SYT1: variants seen among roughly 807,000 people sequenced by gnomAD.
SYT1 encodes synaptotagmin 1.
SYT1 carries 8 observed loss-of-function variants against 44.8 expected under a neutral mutation model. The ratio of observed to expected loss-of-function variants is 0.18; its 90% CI spans 0.10 to 0.32. The LOEUF (loss-of-function observed/expected upper bound fraction) is 0.32. Among genes scored for constraint, SYT1 ranks in the 10% least tolerant of loss-of-function variants. SYT1 has a pLI of 1.00. For synonymous variants in SYT1, 154 were observed against 188.8 expected (o/e 0.82, Z 1.51); for missense variants, 286 against 509.3 (o/e 0.56, Z 4.22).
intron 8 of SYT1, among the ~76,000 whole-genome samples, chr12:79,316,194 G>A (rs944475806): frequency 2.0e-5 from 3 of 152,076 alleles, no homozygotes; most frequent in African/African-American, 7.2e-5. Context: ...AGCTCCTAGA[G>A]GTAACTTCTG....
At chr12:79,264,050 AAAG>A (rs1489551314) in intron 4 of SYT1, among the ~76,000 whole-genome samples, 6 of 152,224 alleles carry the variant, frequency 3.9e-5, no homozygotes, top group African/African-American at 1.4e-4. Context: ...TTGACAGTTC[AAAG>A]AAGTAAGCTT....
In SYT1 at chr12:79,268,404, AGAT is replaced by A. The variant is rs1481923547; in HGVS notation, c.167-17379_167-17377del. ...TCATTAACCCTTTAATTTGGAATTA[AGAT>A]GATATGTGGTATTTTTCACAGTATT... On this transcript the variant is annotated intron_variant, in intron 4 of 10. Coordinates refer to ENST00000261205, the MANE Select transcript of SYT1 (RefSeq NM_005639.3). 6.6e-5 allele frequency among the ~76,000 whole-genome samples: 10 copies of A among 152,332 alleles called. No homozygotes were observed. In the East Asian group the frequency reaches 1.2e-3, roughly 18 times the overall value.
intron 10 of SYT1, among the ~76,000 whole-genome samples, chr12:79,446,002 T>TAC (rs1870694223): frequency 8.6e-6 from 1 of 115,908 alleles, no homozygotes; most frequent in African/African-American, 3.3e-5. Context: ...TATATATATA[T>TAC]ATATATATAT....
At chr12:78,889,594 G>A (rs572572288) in intron 1 of SYT1, among the ~76,000 whole-genome samples, 2 of 150,976 alleles carry the variant, frequency 1.3e-5, no homozygotes, top group East Asian at 4.0e-4. Context: ...TGTGAGCAAA[G>A]CCTTGGAATT....
chr12:79,281,532 A>G (rs958066405), intron 4 of SYT1, among the ~76,000 whole-genome samples: 4 of 152,116 alleles, frequency 2.6e-5, no homozygotes, highest in Non-Finnish European at 5.9e-5. Context: ...GAGACTCAAA[A>G]GTGGGAAGGG....
chr12:79,238,276 G>A (rs893870181), intron 4 of SYT1, among the ~76,000 whole-genome samples: 2 of 152,088 alleles, frequency 1.3e-5, no homozygotes, highest in African/African-American at 4.8e-5. Context: ...TCCTTTGTGG[G>A]CTTTAAGGAA....
chr12:79,052,814 C>T (rs1874615362), intron 3 of SYT1, among the ~76,000 whole-genome samples: 1 of 152,116 alleles, frequency 6.6e-6, no homozygotes, highest in Non-Finnish European at 1.5e-5. Context: ...GAGATACCAT[C>T]TCACACCAGT....
chr12:79,366,987 G>A (rs1245774), intron 9 of SYT1, among the ~76,000 whole-genome samples: 50,381 of 148,718 alleles, frequency 0.34, 11,082 homozygotes, highest in African/African-American at 0.63. Flanking sequence ...GCAGTTAACT[G>A]CTTTGGCTAA....
At chr12:79,292,329 A>T (rs538848526) in intron 6 of SYT1, among the ~76,000 whole-genome samples, 199 bp downstream of exon 6, 1 of 152,190 alleles carries the variant, frequency 6.6e-6, no homozygotes, top group Non-Finnish European at 1.5e-5. Context: ...AATTCACAGT[A>T]TTCAACCGAT....
At chr12:79,016,384 T>G (rs1326639048) in intron 2 of SYT1, among the ~76,000 whole-genome samples, 1 of 152,164 alleles carries the variant, frequency 6.6e-6, no homozygotes, top group Non-Finnish European at 1.5e-5. Flanking sequence ...AGTCACATGG[T>G]TCCTGTTTAA....
In SYT1 at chr12:79,161,419, GCCATA is replaced by G. The variant is rs1374255239; in HGVS notation, c.-17-56079_-17-56075del. 2.0e-5 allele frequency among the ~76,000 whole-genome samples: 3 copies of G among 152,158 alleles called. No individual in the cohort carries two copies. The East Asian group carries it at 5.8e-4, about 30-fold the overall frequency. On this transcript the variant is annotated intron_variant, in intron 3 of 10. Transcript: ENST00000261205. The stretch of plus-strand genomic sequence containing the variant: ...ACCATATAACCTAGCAGTGTAAAAG[GCCATA>G]CCATCTAGATTTGTGTAAGTACACT...
intron 3 of SYT1, among the ~76,000 whole-genome samples, chr12:79,149,399 T>C (rs1870123791): frequency 6.6e-6 from 1 of 152,120 alleles, no homozygotes; most frequent in Non-Finnish European, 1.5e-5. Context: ...GGTAAAGTAG[T>C]TTCTAGGATT....
intron 4 of SYT1, among the ~76,000 whole-genome samples, chr12:79,267,820 A>T (rs1878214197): frequency 6.6e-6 from 1 of 152,154 alleles, no homozygotes; most frequent in Non-Finnish European, 1.5e-5. Flanking sequence ...ATCCTCTGAA[A>T]GTTGTGCTGG....
At chr12:79,132,674 C>CA (rs71091641) in intron 3 of SYT1, among the ~76,000 whole-genome samples, 5,003 of 43,582 alleles carry the variant, frequency 0.11, 522 homozygotes, top group East Asian at 0.17. Flanking sequence ...GGAGTTTTCT[C>CA]AAAAAAAAAA....
At chr12:79,358,959 C>T (rs1163682172) in intron 9 of SYT1, among the ~76,000 whole-genome samples, 2 of 152,184 alleles carry the variant, frequency 1.3e-5, no homozygotes, top group Non-Finnish European at 2.9e-5. Context: ...GATTTTCTTG[C>T]TTCACTTGTG....
intron 4 of SYT1, among the ~76,000 whole-genome samples, chr12:79,239,054 G>T (rs982599848): frequency 1.3e-5 from 2 of 152,166 alleles, no homozygotes; most frequent in Non-Finnish European, 2.9e-5. Context: ...GGCAGAAATT[G>T]ATATTTTGTA....
chr12:79,038,096 C>T (rs764801120), intron 2 of SYT1, among the ~76,000 whole-genome samples: 1 of 151,340 alleles, frequency 6.6e-6, no homozygotes, highest in Non-Finnish European at 1.5e-5. Flanking sequence ...TCTACCTTGA[C>T]TCACTAATTA....
intron 9 of SYT1, among the ~76,000 whole-genome samples, chr12:79,402,164 C>T (rs1358409935): frequency 1.3e-5 from 2 of 152,122 alleles, no homozygotes; most frequent in African/African-American, 4.8e-5. Context: ...CTCCACCCAT[C>T]GCAAGCTCAG....
At chr12:79,126,522 G>A (rs1868450541) in intron 3 of SYT1, among the ~76,000 whole-genome samples, 1 of 152,158 alleles carries the variant, frequency 6.6e-6, no homozygotes, top group South Asian at 2.1e-4. Context: ...GCCTCCCAAA[G>A]TGCTGAGATT....
Sources: allele counts gnomAD v4.1 joint callset (sites outside exome capture counted in the v4.1 genomes callset), GRCh38; gene constraint gnomAD v4.1.1; transcripts MANE v1.5; gene names NCBI Gene and HGNC (gene_info 2026-07-23, HGNC 2026-07-21).